CAPN6: variants seen among roughly 807,000 people sequenced by gnomAD.
CAPN6 encodes calpain 6.
CAPN6 carries 16 observed loss-of-function variants against 46.0 expected under a neutral mutation model. The observed-to-expected ratio is 0.35, with a 90% CI of 0.24 to 0.53. The LOEUF is 0.53. CAPN6 is among the 20% of genes least tolerant of loss of function. CAPN6 has a pLI of 0.94. For missense variants in CAPN6, 461 were observed against 498.0 expected (o/e 0.93, Z 0.71); for synonymous variants, 206 against 172.8 (o/e 1.19, Z -1.51).
chrX:111,248,377 T>A (rs1448388206), intron 10 of CAPN6, among the ~76,000 whole-genome samples, 192 bp downstream of exon 10: 2 of 112,478 alleles, frequency 1.8e-5, no homozygotes, highest in East Asian at 5.6e-4. Flanking sequence ...GCTCTGAAGT[T>A]CAGACCTTCA....
At chrX:111,265,768 C>A (rs1225494503) in intron 1 of CAPN6, among the ~76,000 whole-genome samples, 1 of 111,621 alleles carries the variant, frequency 9.0e-6, no homozygotes, top group East Asian at 2.8e-4. Flanking sequence ...TTTGCCAGAA[C>A]CTCCTAGTCC....
chrX:111,264,270 C>G (rs1487996403), intron 1 of CAPN6, among the ~76,000 whole-genome samples: 1 of 111,672 alleles, frequency 9.0e-6, no homozygotes, highest in Non-Finnish European at 1.9e-5. Flanking sequence ...AAATGTGATT[C>G]ATTATAATTT....
chrX:111,261,229 G>A (rs750226778), intron 2 of CAPN6, among the ~76,000 whole-genome samples: 1 of 112,580 alleles, frequency 8.9e-6, no homozygotes, highest in Non-Finnish European at 1.9e-5. Flanking sequence ...GCAGTCAAAC[G>A]TGGATGCAAA....
At chrX:111,251,129 A>G in intron 7 of CAPN6, 26 bp from the exon 8 acceptor site, 1 of 1,208,701 alleles carries the variant, frequency 8.3e-7, no homozygotes, top group Non-Finnish European at 1.1e-6. Flanking sequence ...ACAGGAAAAA[A>G]ATAAAGATGG....
intron 6 of CAPN6, 81 bp downstream of exon 6, chrX:111,251,468 C>T (rs773135549): frequency 1.1e-6 from 1 of 936,257 alleles, no homozygotes; most frequent in African/African-American, 2.0e-5. Context: ...GCATTGACAG[C>T]ACACTAGCAG....
In CAPN6 at chrX:111,251,300, G is replaced by GAA. The variant is rs201147886; in HGVS notation, c.894-16_894-15dup. ...CACTCTTCAGAACTGAAAGTAAATAGAAAAAAAAAAAAAAGATAAATCATT... is the reference window on the plus strand; with the variant it reads ...CACTCTTCAGAACTGAAAGTAAATAGAAAAAAAAAAAAAAAAGATAAATCATT... On this transcript the variant is annotated splice_polypyrimidine_tract_variant and intron_variant, in intron 6 of 12. Coordinates refer to ENST00000324068, the MANE Select transcript of CAPN6 (RefSeq NM_014289.4). 1.4e-3 allele frequency: 1,261 copies of GAA among 917,136 alleles called. No homozygotes were observed. In the African/African-American group the frequency reaches 0.016, roughly 11 times the overall value. The allele number at this position is 917,136 out of a possible 1,213,427, so 75.6% of individuals were successfully genotyped here.
intron 9 of CAPN6, 54 bp downstream of exon 9, chrX:111,248,881 C>T (rs954389542): frequency 1.5e-5 from 18 of 1,204,171 alleles, no homozygotes; most frequent in Non-Finnish European, 1.8e-5. Context: ...TTAAATTATC[C>T]TAATTTTTAC....
At chrX:111,260,030 G>A (rs1028600761) in intron 2 of CAPN6, among the ~76,000 whole-genome samples, 1 of 112,311 alleles carries the variant, frequency 8.9e-6, no homozygotes, top group African/African-American at 3.2e-5. Flanking sequence ...AAAAGTCCAG[G>A]AGCACATGGT....
At chrX:111,258,484 C>A (rs889993466) in intron 2 of CAPN6, among the ~76,000 whole-genome samples, 2 of 111,542 alleles carry the variant, frequency 1.8e-5, no homozygotes, top group Non-Finnish European at 3.8e-5. Flanking sequence ...GTGAGCTAGT[C>A]CAAGTAGTCG....
intron 5 of CAPN6, 63 bp from the exon 6 acceptor site, chrX:111,251,805 C>T (rs1289333368): frequency 5.2e-6 from 5 of 964,989 alleles, no homozygotes; most frequent in East Asian, 6.2e-5. Context: ...GACTCCTCTT[C>T]TTCATTAATT....
intron 2 of CAPN6, among the ~76,000 whole-genome samples, chrX:111,259,652 G>A (rs1422696824): frequency 8.9e-6 from 1 of 112,259 alleles, no homozygotes; most frequent in Non-Finnish European, 1.9e-5. Flanking sequence ...CTAGGCAATG[G>A]CAATGGTAGC....
intron 3 of CAPN6, among the ~76,000 whole-genome samples, chrX:111,253,838 T>A (rs1307169679): frequency 1.8e-5 from 2 of 112,406 alleles, no homozygotes; most frequent in Non-Finnish European, 3.8e-5. Context: ...TTTGTACTAT[T>A]AATAATTTAT....
chrX:111,248,125 C>A (rs1465423903), intron 10 of CAPN6, 133 bp from the exon 11 acceptor site: 2 of 588,553 alleles, frequency 3.4e-6, no homozygotes, highest in African/African-American at 2.3e-5. Context: ...TCAGATATGT[C>A]TTATATATAT....
At chrX:111,256,481 A>G (rs966820683) in intron 2 of CAPN6, among the ~76,000 whole-genome samples, 52 of 112,508 alleles carry the variant, frequency 4.6e-4, no homozygotes, top group African/African-American at 1.6e-3. Flanking sequence ...GTGAACACTG[A>G]TATATGAAAA....
intron 6 of CAPN6, 72 bp from the exon 7 acceptor site, chrX:111,251,358 A>G: frequency 1.9e-6 from 2 of 1,048,016 alleles, no homozygotes; most frequent in East Asian, 6.0e-5. Flanking sequence ...AGTAAGTAGG[A>G]TGCCAGAGAA....
chrX:111,254,036 G>T (rs765932253), intron 3 of CAPN6, among the ~76,000 whole-genome samples: 16 of 112,225 alleles, frequency 1.4e-4, no homozygotes, highest in Non-Finnish European at 1.9e-4. Flanking sequence ...AGCAAGTAGA[G>T]TAAAATGTTA....
At chrX:111,267,637 C>T (rs1354852304) in intron 1 of CAPN6, among the ~76,000 whole-genome samples, 1 of 111,622 alleles carries the variant, frequency 9.0e-6, no homozygotes, top group Non-Finnish European at 1.9e-5. Flanking sequence ...CTAAAAAAAT[C>T]TGATAAAATA....
rs901984639 is a variant in CAPN6 at position 111,246,355 on chromosome X, T to C, written c.*222A>G. The C allele has an allele frequency of 7.3e-6, 3 of 411,038 alleles. No homozygotes were observed. The highest frequency in any genetic ancestry group is 5.0e-5 in the African/African-American group (2 of 39,690). The allele number at this position is 411,038 out of a possible 1,213,427, so 33.9% of individuals were successfully genotyped here. On this transcript the variant is annotated 3_prime_UTR_variant, in exon 13 of 13. Transcript: ENST00000324068. ...TTGGCAAATGTGTATGATGTCTAGA[T>C]AGGACTGTCGCCTCCCCATGTCCAG...
intron 2 of CAPN6, among the ~76,000 whole-genome samples, chrX:111,261,977 T>C (rs1426826963): frequency 8.9e-6 from 1 of 111,800 alleles, no homozygotes; most frequent in Non-Finnish European, 1.9e-5. Flanking sequence ...TTTTGCCCTA[T>C]TGACATCTTT....
Sources: gnomAD v4.1 joint callset for allele counts (sites outside exome capture counted in the v4.1 genomes callset) on GRCh38, gnomAD v4.1.1 for gene constraint, MANE v1.5 for transcripts, NCBI Gene and HGNC (gene_info 2026-07-23, HGNC 2026-07-21) for gene names.